Variants in PIDD1 observed in about 807,000 individuals in gnomAD.
The protein encoded by PIDD1 is p53-induced death domain-containing protein 1.
Under a neutral mutation model 80.0 loss-of-function variants are expected in PIDD1, and 72 were observed. The ratio of observed to expected loss-of-function variants is 0.90; its 90% CI spans 0.74 to 1.09. PIDD1 has a LOEUF of 1.09. Ranked by LOEUF, PIDD1 falls within the 50% of genes least tolerant of loss-of-function variation. The pLI, the probability that PIDD1 is intolerant of heterozygous loss-of-function variation, is 0.00. For synonymous variants in PIDD1, 655 were observed against 543.5 expected (o/e 1.21, Z -2.85); for missense variants, 1,329 against 1,228.3 (o/e 1.08, Z -1.23).
rs1378366301 is a variant in PIDD1, at chr11:804,107, G to A, written c.282C>T (p.Ser94=). The A allele has an allele frequency of 1.9e-6, 3 of 1,609,824 alleles. No homozygotes were observed. The highest frequency in any genetic ancestry group is 1.7e-6 in the Non-Finnish European group (2 of 1,177,328). The change falls in exon 2 of 16, where the codon TCC becomes TCT. Residue 94 remains serine (S), a synonymous_variant. Coordinates refer to ENST00000347755, the MANE Select transcript of PIDD1 (RefSeq NM_145886.4). ...GGTGGAACTCACCTTTGAGGACCAG[G>A]GAGCGGAGGCAGGACAGGCTCTGAG... The part of the protein sequence containing the change: ...QLPQSLSCLR[S]LVLKGGQRRD...
upstream of PIDD1, among the ~76,000 whole-genome samples, chr11:809,210 A>G (rs1865931531): frequency 6.6e-6 from 1 of 152,228 alleles, no homozygotes; most frequent in Non-Finnish European, 1.5e-5. Flanking sequence ...CACCGAGGTC[A>G]GTTCCGGGCC....
chr11:804,057 A>G, intron 2 of PIDD1, 37 bp downstream of exon 2: 3 of 1,564,182 alleles, frequency 1.9e-6, no homozygotes, highest in Non-Finnish European at 2.6e-6. Context: ...GGGCAGAGCG[A>G]GAGATGGAGA....
chr11:799,283 G>A lies in PIDD1; in HGVS notation c.*24C>T. ...CTGCCCATCCACTGGGGAATATCTG[G>A]GCCAGCCTAAAAGTCTGTGGGGCCT... On this transcript the variant is annotated 3_prime_UTR_variant, in exon 16 of 16. Coordinates refer to ENST00000347755, the MANE Select transcript of PIDD1 (RefSeq NM_145886.4). 1.3e-6 allele frequency: 2 copies of A among 1,554,558 alleles called. No individual in the cohort carries two copies. Among genetic ancestry groups the A allele is most frequent in the South Asian group, 2.3e-5 (2 of 85,230 alleles).
chr11:799,603 A>G (rs1337177033), intron 15 of PIDD1, 38 bp from the exon 16 acceptor site: 2 of 1,553,470 alleles, frequency 1.3e-6, no homozygotes, highest in East Asian at 2.3e-5. Context: ...GGTCCTGTCC[A>G]CCTGCCCAGG....
Position 801,092 on chromosome 11 carries a change from G to A in PIDD1, c.1659C>T (p.His553=), listed in dbSNP as rs11539604. The change falls in exon 10 of 16, where the codon CAC becomes CAT. Residue 553 remains histidine (H), a synonymous_variant. Transcript: ENST00000347755. ...TGLSLDRSRL[H]LLYWAPPAAT... Reference sequence around the variant, plus strand: ...CTGCAGGAGGGGCCCAGTACAACAGGTGCAGGCGGGAGCGGTCCAGACTGA... The same window carrying A: ...CTGCAGGAGGGGCCCAGTACAACAGATGCAGGCGGGAGCGGTCCAGACTGA... 103,084 of 1,583,880 alleles carry A rather than the reference G, an allele frequency of 0.065. 3,809 individuals carry two copies. Among genetic ancestry groups the A allele is most frequent in the Non-Finnish European group, 0.075 (87,186 of 1,163,212 alleles).
chr11:800,800 G>C lies in PIDD1; in HGVS notation c.1879C>G (p.Pro627Ala), dbSNP rs777142855. ...AGGCACTGCAGCAGGACCTGCTCAG[G>C]GTCCCGGCGCCGCTGCAGAGCGATG... ...NLIALQRRRD[P>A]EQVLLQCLPR... Residue 627 changes from proline to alanine, a missense_variant, in exon 11 of 16, where the codon CCT becomes GCT. Physicochemically the swap from Pro to Ala is conservative, Grantham distance 27. Transcript: ENST00000347755. The C allele has an allele frequency of 1.2e-5, 19 of 1,556,198 alleles. No individual in the cohort carries two copies. The highest frequency in any genetic ancestry group is 1.6e-5 in the Non-Finnish European group (18 of 1,150,706).
intron 2 of PIDD1, 67 bp downstream of exon 2, chr11:804,027 G>A (rs77173309): frequency 0.12 from 181,168 of 1,507,582 alleles, 11,857 homozygotes; most frequent in Non-Finnish European, 0.14. Context: ...GTTTGCCTTT[G>A]AGAACATGCA....
chr11:804,896 C>CTTT (rs1865672599), intron 1 of PIDD1: 1 of 156,098 alleles, frequency 6.4e-6, no homozygotes, highest in African/African-American at 2.4e-5. Context: ...TCAGGGAAGG[C>CTTT]CGTGTAAGGG....
rs1865532529 is a variant in PIDD1 at position 803,309 on chromosome 11, C to G, written c.574G>C (p.Ala192Pro). The change falls in exon 3 of 16, where the codon GCC (alanine) becomes CCC (proline). Residue 192 changes from alanine to proline, a missense_variant. Physicochemically the swap from Ala to Pro is conservative, Grantham distance 27. Transcript: ENST00000347755. The part of the protein sequence containing the change: ...RLQTLPPALG[A>P]LSTLQRLDLS... ...TCGAGGCGCTGCAGGGTGGATAGGGCCCCCAGTGCTGGGGGCAGCGTCTGC... is the reference window on the plus strand; with the variant it reads ...TCGAGGCGCTGCAGGGTGGATAGGGGCCCCAGTGCTGGGGGCAGCGTCTGC... 1.2e-6 allele frequency: 2 copies of G among 1,613,690 alleles called. No individual in the cohort carries two copies. The highest frequency in any genetic ancestry group is 4.5e-5 in the East Asian group (2 of 44,870).
At chr11:799,638 A>G in intron 15 of PIDD1, 73 bp from the exon 16 acceptor site, 1 of 1,483,660 alleles carries the variant, frequency 6.7e-7, no homozygotes, top group Non-Finnish European at 8.9e-7. Flanking sequence ...TCTGCCTCGG[A>G]GTGTGGGGGA....
At chr11:803,086 C>T in intron 3 of PIDD1, 88 bp downstream of exon 3, 2 of 1,085,778 alleles carry the variant, frequency 1.8e-6, no homozygotes, top group South Asian at 3.0e-5. Flanking sequence ...TGGACCAAGC[C>T]TGTGGGTGCA....
intron 15 of PIDD1, 33 bp downstream of exon 15, chr11:799,782 G>A: frequency 6.7e-7 from 1 of 1,500,986 alleles, no homozygotes; most frequent in South Asian, 1.3e-5. Context: ...CTCAGCCCTG[G>A]GGCTGGCAGC....
At position 803,181 on chromosome 11, in the gene PIDD1, G is replaced by T. The variant is rs760639464; in HGVS notation, c.702C>A (p.Ala234=). The T allele has an allele frequency of 1.2e-6, 2 of 1,603,012 alleles. No individual in the cohort carries two copies. The highest frequency in any genetic ancestry group is 1.7e-6 in the Non-Finnish European group (2 of 1,175,150). Residue 234 remains alanine, a synonymous_variant, in exon 3 of 16, where the codon GCC becomes GCA. Coordinates refer to ENST00000347755, the MANE Select transcript of PIDD1 (RefSeq NM_145886.4). The part of the protein sequence containing the change: ...LASNRLQSLP[A]SLAGLRSLRL... ...GGCGCAGGGGCTACTCACCCAGAGA[G>T]GCTGGGAGGCTCTGCAGCCGGTTGG...
At chr11:801,893 G>A in intron 7 of PIDD1, 72 bp downstream of exon 7, 2 of 1,562,150 alleles carry the variant, frequency 1.3e-6, no homozygotes, top group Non-Finnish European at 1.7e-6. Flanking sequence ...CCAGGGTGAG[G>A]CTCTGGGCAG....
chr11:806,275 C>T (rs550952786), upstream of PIDD1, among the ~76,000 whole-genome samples: 3 of 151,868 alleles, frequency 2.0e-5, no homozygotes, highest in Non-Finnish European at 2.9e-5. Context: ...AGGGAGGGAA[C>T]AGACACCACC....
chr11:799,788 G>C, intron 15 of PIDD1, 27 bp downstream of exon 15: 1 of 1,509,292 alleles, frequency 6.6e-7, no homozygotes. Flanking sequence ...CCTGGGGCTG[G>C]CAGCCAGCGG....
rs773474285 is a variant in PIDD1 at position 802,852 on chromosome 11, T to C, written c.749A>G (p.Asn250Ser). 6.3e-7 allele frequency: 1 copy of C among 1,587,186 alleles called. No individual in the cohort carries two copies. The highest frequency in any genetic ancestry group is 1.1e-5 in the South Asian group (1 of 87,794). ...RSLRLLVLHSNLLASVPADLA... is the reference protein window; with the variant it reads ...RSLRLLVLHSSLLASVPADLA... ...GTCAGCTGGCACAGAGGCCAGGAGGTTGCTGTGCAGGACAAGGAGCCGCAA... is the reference window on the plus strand; with the variant it reads ...GTCAGCTGGCACAGAGGCCAGGAGGCTGCTGTGCAGGACAAGGAGCCGCAA... Residue 250 changes from asparagine (N) to serine (S), a missense_variant, in exon 4 of 16, where the codon AAC (asparagine) becomes AGC (serine). By Grantham distance (46) the Asn-to-Ser change is conservative. Coordinates refer to ENST00000347755, the MANE Select transcript of PIDD1 (RefSeq NM_145886.4).
chr11:801,155 T>C (rs1865276167), intron 9 of PIDD1, 35 bp from the exon 10 acceptor site: 2 of 1,546,976 alleles, frequency 1.3e-6, no homozygotes, highest in Non-Finnish European at 1.7e-6. Context: ...TGAGGCCTCC[T>C]GGCCGGAGAC....
intron 1 of PIDD1, 143 bp from the exon 2 acceptor site, chr11:804,606 C>G: frequency 1.2e-6 from 1 of 806,902 alleles, no homozygotes; most frequent in South Asian, 2.4e-5. Flanking sequence ...TGTGGTCACC[C>G]TGAACCCCGG....
Sources: gnomAD v4.1 joint callset for allele counts (sites outside exome capture counted in the v4.1 genomes callset) on GRCh38, gnomAD v4.1.1 for gene constraint, MANE v1.5 for transcripts, NCBI Gene and HGNC (gene_info 2026-07-23, HGNC 2026-07-21) for gene names.